The following TANC2 variants were observed in gnomAD, a reference collection of about 807,000 sequenced individuals.
The protein encoded by TANC2 is protein TANC2.
A neutral mutation model predicts 210.5 loss-of-function variants in TANC2; 26 were observed. The observed-to-expected ratio is 0.12, with a 90% CI of 0.09 to 0.17. TANC2 has a LOEUF of 0.17. Among genes scored for constraint, TANC2 ranks in the 10% least tolerant of loss-of-function variants. The probability of loss-of-function intolerance (pLI) is 1.00; values close to 1 mark genes in which losing one functional copy is unlikely to be tolerated. For synonymous variants in TANC2, 931 were observed against 967.1 expected (o/e 0.96, Z 0.69); for missense variants, 2,129 against 2,608.9 (o/e 0.82, Z 4.01).
At chr17:63,233,107 A>G (rs1216830978) in intron 7 of TANC2, among the ~76,000 whole-genome samples, 1 of 152,186 alleles carries the variant, frequency 6.6e-6, no homozygotes, top group Non-Finnish European at 1.5e-5. Flanking sequence ...CCCTGGCACC[A>G]GTAGGGGAAA....
intron 2 of TANC2, among the ~76,000 whole-genome samples, chr17:63,054,288 C>T (rs2035688172): frequency 6.6e-6 from 1 of 152,204 alleles, no homozygotes; most frequent in Non-Finnish European, 1.5e-5. Context: ...CTCTTCATTT[C>T]TTCTGTTTAT....
exon 10 of TANC2, chr17:63,314,605 C>G: frequency 6.2e-7 from 1 of 1,613,908 alleles, no homozygotes; most frequent in Non-Finnish European, 8.5e-7. Context: ...GACTGGTGGC[C>G]CTCAGCTGCC....
chr17:63,070,429 G>A (rs2036355392), intron 2 of TANC2, among the ~76,000 whole-genome samples: 1 of 152,180 alleles, frequency 6.6e-6, no homozygotes, highest in African/African-American at 2.4e-5. Flanking sequence ...AGCCCATGCA[G>A]CCATTAAACT....
chr17:63,171,451 A>G (rs1008033578), intron 5 of TANC2, among the ~76,000 whole-genome samples: 4 of 152,150 alleles, frequency 2.6e-5, no homozygotes, highest in African/African-American at 9.7e-5. Context: ...ATTACCTTCT[A>G]CAGTAGTCAC....
At position 63,331,118 on chromosome 17, in the gene TANC2, T is replaced by C. The variant is rs190013628; in HGVS notation, c.1576-8983T>C. Reference sequence around the variant, plus strand: ...TCTGGGGTGTGCCCCTACTTGACATTGCCAAGTGTGTTTCCAAATATTCTT... The same window carrying C: ...TCTGGGGTGTGCCCCTACTTGACATCGCCAAGTGTGTTTCCAAATATTCTT... On this transcript the variant is annotated intron_variant, in intron 11 of 27. Coordinates refer to ENST00000689528, the Ensembl canonical transcript of TANC2. Among the ~76,000 whole-genome samples the C allele has an allele frequency of 1.9e-3, 285 of 152,332 alleles. 1 individual carries two copies. Among genetic ancestry groups the C allele is most frequent in the African/African-American group, 6.6e-3 (274 of 41,576 alleles).
At chr17:63,242,392 A>G (rs1433294723) in intron 8 of TANC2, among the ~76,000 whole-genome samples, 1 of 151,804 alleles carries the variant, frequency 6.6e-6, no homozygotes, top group Non-Finnish European at 1.5e-5. Flanking sequence ...AAATATATCT[A>G]TATATATAAA....
At chr17:63,378,294 A>T (rs1435492812) in intron 14 of TANC2, among the ~76,000 whole-genome samples, 1 of 152,176 alleles carries the variant, frequency 6.6e-6, no homozygotes, top group African/African-American at 2.4e-5. Flanking sequence ...TTCTTTCGTG[A>T]ATGTAAATAG....
At chr17:63,361,968 G>A (rs2046971367) in intron 14 of TANC2, among the ~76,000 whole-genome samples, 1 of 152,144 alleles carries the variant, frequency 6.6e-6, no homozygotes, top group Non-Finnish European at 1.5e-5. Context: ...CCCGACAAGT[G>A]TACAACCCTC....
chr17:63,268,166 C>T (rs924133217), intron 9 of TANC2, among the ~76,000 whole-genome samples: 3 of 152,172 alleles, frequency 2.0e-5, no homozygotes, highest in Non-Finnish European at 4.4e-5. Flanking sequence ...GGGGAAATAA[C>T]CTTTCTAAGA....
chr17:63,147,235 C>A (rs115701851), intron 4 of TANC2, among the ~76,000 whole-genome samples: 1 of 151,858 alleles, frequency 6.6e-6, no homozygotes, highest in Non-Finnish European at 1.5e-5. Context: ...CCCGACTACT[C>A]GGAAGGCTGA....
chr17:63,390,176 T>A (rs1448826864), intron 17 of TANC2: 1 of 152,552 alleles, frequency 6.6e-6, no homozygotes, highest in Non-Finnish European at 1.5e-5. Flanking sequence ...AGAAAAATGC[T>A]GGTCTCACAA....
At chr17:62,995,539 C>T (rs1290812122) in intron 1 of TANC2, among the ~76,000 whole-genome samples, 2 of 152,272 alleles carry the variant, frequency 1.3e-5, no homozygotes, top group East Asian at 3.9e-4. Flanking sequence ...AGTTTAGGTG[C>T]TGTATGAAAG....
At chr17:63,017,994 A>AATAGCC (rs1345166588) in intron 2 of TANC2, among the ~76,000 whole-genome samples, 4 of 152,072 alleles carry the variant, frequency 2.6e-5, no homozygotes, top group Non-Finnish European at 4.4e-5. Context: ...AGAATTAAAA[A>AATAGCC]ATAGCCAGAC....
At position 63,076,665 on chromosome 17, in the gene TANC2, C is replaced by T. The variant is rs917225514; in HGVS notation, c.139+2651C>T. The stretch of plus-strand genomic sequence containing the variant: ...CAACTTGGAGAGACATACATTTTTG[C>T]AGAGGAAAATTATAGAACTATTATC... On this transcript the variant is annotated intron_variant, in intron 3 of 27. Coordinates refer to ENST00000689528, the Ensembl canonical transcript of TANC2. Among the ~76,000 whole-genome samples, 77 of 152,086 alleles carry T rather than the reference C, an allele frequency of 5.1e-4. 1 individual carries two copies. Among genetic ancestry groups the T allele is most frequent in the African/African-American group, 1.8e-3 (73 of 41,508 alleles).
exon 28 of TANC2, chr17:63,424,339 A>G (rs1478643035): frequency 6.6e-6 from 1 of 152,220 alleles, no homozygotes; most frequent in Non-Finnish European, 1.5e-5. Flanking sequence ...AGTAGGTATC[A>G]CTGCTGCATG....
intron 15 of TANC2, among the ~76,000 whole-genome samples, chr17:63,387,210 C>T (rs1456772574): frequency 6.6e-6 from 1 of 151,982 alleles, no homozygotes; most frequent in African/African-American, 2.4e-5. Flanking sequence ...TCAGAATATC[C>T]CCACAGGGAG....
rs1368922867 is a variant in TANC2 at position 63,421,798 on chromosome 17, G to A, written c.6068G>A (p.Ser2023Asn). 6.2e-7 allele frequency: 1 copy of A among 1,613,940 alleles called. No homozygotes were observed. The highest frequency in any genetic ancestry group is 1.3e-5 in the African/African-American group (1 of 74,926). ...CGTGGAGACCTCTTGGAGCGAGTCA[G>A]CCAGGCCTCCTCCTATCCCGACGTG... The change falls in exon 28 of 28, where the codon AGC becomes AAC. Residue 2023 changes from serine (S) to asparagine (N), a missense_variant. Ser to Asn is a conservative substitution (Grantham distance 46). Transcript: ENST00000689528. This position sits in a 1 kb window ranked among gnomAD's most constrained non-coding sequence, Gnocchi z 6.9.
intron 5 of TANC2, among the ~76,000 whole-genome samples, chr17:63,189,933 T>C (rs2145721976): frequency 6.6e-6 from 1 of 152,354 alleles, no homozygotes; most frequent in East Asian, 1.9e-4. Context: ...TTTTGATATA[T>C]GAGGTAGGGC....
intron 2 of TANC2, among the ~76,000 whole-genome samples, chr17:63,067,610 A>G (rs1038724183): frequency 6.6e-6 from 1 of 152,062 alleles, no homozygotes; most frequent in Admixed American, 6.5e-5. Context: ...GAAATAGGAG[A>G]TATATAAAGA....
Sources: allele counts gnomAD v4.1 joint callset (sites outside exome capture counted in the v4.1 genomes callset), GRCh38; gene constraint gnomAD v4.1.1; non-coding constraint Gnocchi (gnomAD v3.1); transcripts MANE v1.5; gene names NCBI Gene and HGNC (gene_info 2026-07-23, HGNC 2026-07-21).